Variants in MAPK4 observed in about 807,000 individuals in gnomAD.
The protein encoded by MAPK4 is mitogen-activated protein kinase 4, also known as Erk3-related.
A neutral mutation model predicts 47.7 loss-of-function variants in MAPK4; 22 were observed. That is an observed-to-expected ratio of 0.46 (90% CI 0.33 to 0.66). The LOEUF (loss-of-function observed/expected upper bound fraction) is 0.66. Ranked by LOEUF, MAPK4 falls within the 30% of genes least tolerant of loss-of-function variation. The probability of loss-of-function intolerance (pLI) is 0.02; values close to 1 mark genes in which losing one functional copy is unlikely to be tolerated. For synonymous variants in MAPK4, 390 were observed against 365.7 expected (o/e 1.07, Z -0.76); for missense variants, 736 against 831.7 (o/e 0.88, Z 1.42).
At chr18:50,590,788 C>T (rs1021342114) in intron 1 of MAPK4, among the ~76,000 whole-genome samples, 1 of 152,126 alleles carries the variant, frequency 6.6e-6, no homozygotes, top group African/African-American at 2.4e-5. Context: ...AGCTTGTCGT[C>T]CTTACATAAT....
intron 2 of MAPK4, among the ~76,000 whole-genome samples, chr18:50,671,637 G>A (rs566179073): frequency 1.7e-5 from 2 of 118,288 alleles, no homozygotes; most frequent in African/African-American, 6.3e-5. Context: ...CATGCCTACA[G>A]TCCCAGAGCT....
intron 1 of MAPK4, among the ~76,000 whole-genome samples, chr18:50,649,937 T>A (rs768028439): frequency 6.6e-6 from 1 of 152,174 alleles, no homozygotes; most frequent in Non-Finnish European, 1.5e-5. Flanking sequence ...TGCGTCACCA[T>A]CCAGCCCGCT....
chr18:50,704,956 T>G (rs1909975405), intron 2 of MAPK4: 2 of 394,012 alleles, frequency 5.1e-6, no homozygotes, highest in African/African-American at 2.1e-5. Flanking sequence ...TCTTTCTTTT[T>G]GAGGGTGGAG....
At chr18:50,671,660 G>GGCA (rs10661917) in intron 2 of MAPK4, among the ~76,000 whole-genome samples, 147,193 of 152,210 alleles carry the variant, frequency 0.97, 71,352 homozygotes, top group East Asian at 1. Flanking sequence ...GGGAGGCTTT[G>GGCA]GGAAGACTGC....
At chr18:50,597,227 C>T (rs145171717) in intron 1 of MAPK4, among the ~76,000 whole-genome samples, 65 of 152,320 alleles carry the variant, frequency 4.3e-4, no homozygotes, top group African/African-American at 1.5e-3. Context: ...TTACTAAGCA[C>T]TTTGTACATG....
chr18:50,574,964 C>A (rs913481841), intron 1 of MAPK4, among the ~76,000 whole-genome samples: 11 of 152,164 alleles, frequency 7.2e-5, no homozygotes, highest in Non-Finnish European at 1.3e-4. Context: ...TGTTTCTGAC[C>A]TGGTGAGTGA....
At chr18:50,647,223 A>G (rs941491519) in intron 1 of MAPK4, among the ~76,000 whole-genome samples, 5 of 152,258 alleles carry the variant, frequency 3.3e-5, no homozygotes, top group African/African-American at 1.2e-4. Flanking sequence ...GTTACCAAAC[A>G]ATAAAAGAAC....
chr18:50,665,160 C>A (rs1389059284), intron 2 of MAPK4, among the ~76,000 whole-genome samples: 4 of 152,214 alleles, frequency 2.6e-5, no homozygotes, highest in Admixed American at 6.5e-5. Context: ...GCTAAATGCT[C>A]CACCAACTGC....
chr18:50,589,993 A>T (rs918609078), intron 1 of MAPK4, among the ~76,000 whole-genome samples: 1 of 152,246 alleles, frequency 6.6e-6, no homozygotes, highest in African/African-American at 2.4e-5. Context: ...GCAACTCCAT[A>T]AGATAACACT....
chr18:50,630,998 A>T (rs2042824342), intron 1 of MAPK4, among the ~76,000 whole-genome samples: 1 of 152,156 alleles, frequency 6.6e-6, no homozygotes, highest in Non-Finnish European at 1.5e-5. Context: ...CCTAAAATTT[A>T]TTTGTATCCC....
At chr18:50,705,817 C>T (rs916232199) in intron 2 of MAPK4, 2 of 152,208 alleles carry the variant, frequency 1.3e-5, no homozygotes, top group African/African-American at 4.8e-5. Context: ...GACCACCCAC[C>T]CCATCACTCT....
In MAPK4 at chr18:50,729,731, G is replaced by A; in HGVS notation, c.1641G>A (p.Leu547=). ...FDLDVFISRA[L]KLCTKPEDLP... ...TGGACGTGTTCATCTCCCGCGCCCT[G>A]AAGCTCTGCACCAAGCCCGAGGACC... Residue 547 remains leucine (L), a synonymous_variant, in exon 6 of 6, where the codon CTG becomes CTA. Transcript: ENST00000400384. 1 of 1,596,822 alleles carries A rather than the reference G, an allele frequency of 6.3e-7. No individual in the cohort carries two copies. The highest frequency in any genetic ancestry group is 1.1e-5 in the South Asian group (1 of 87,754).
chr18:50,657,316 C>T (rs999803432), intron 1 of MAPK4, among the ~76,000 whole-genome samples: 2 of 152,176 alleles, frequency 1.3e-5, no homozygotes, highest in African/African-American at 4.8e-5. Flanking sequence ...GACATCACCT[C>T]CTGGGACTCC....
At chr18:50,583,910 T>A (rs924725405) in intron 1 of MAPK4, among the ~76,000 whole-genome samples, 1 of 152,216 alleles carries the variant, frequency 6.6e-6, no homozygotes, top group Non-Finnish European at 1.5e-5. Flanking sequence ...CACACTGTAC[T>A]AGAGGACTTC....
chr18:50,705,936 T>C (rs1910029830), intron 2 of MAPK4: 1 of 152,218 alleles, frequency 6.6e-6, no homozygotes, highest in East Asian at 1.9e-4. Flanking sequence ...ACCTCATGAT[T>C]ACAGGGACTT....
At chr18:50,695,594 C>T (rs1186456965) in intron 2 of MAPK4, among the ~76,000 whole-genome samples, 2 of 152,150 alleles carry the variant, frequency 1.3e-5, no homozygotes, top group African/African-American at 2.4e-5. Flanking sequence ...GGAGGAGGCA[C>T]TCCAGGTCAG....
At chr18:50,669,791 A>G (rs1431200210) in intron 2 of MAPK4, 3 of 152,254 alleles carry the variant, frequency 2.0e-5, no homozygotes, top group African/African-American at 4.8e-5. Flanking sequence ...AATTTATAGC[A>G]TATCCATTCC....
intron 1 of MAPK4, among the ~76,000 whole-genome samples, chr18:50,618,481 A>G (rs535392254): frequency 1.3e-5 from 2 of 152,196 alleles, no homozygotes; most frequent in East Asian, 1.9e-4. Context: ...CACAGCTTTT[A>G]AAAAACAGTT....
rs1205118060 is a variant in MAPK4, at chr18:50,723,727, G to A, written c.853+1628G>A. 2.0e-5 allele frequency among the ~76,000 whole-genome samples: 3 copies of A among 152,048 alleles called. No individual in the cohort carries two copies. The East Asian group carries it at 5.8e-4, about 29-fold the overall frequency. On this transcript the variant is annotated intron_variant, in intron 4 of 5. Coordinates refer to ENST00000400384, the MANE Select transcript of MAPK4 (RefSeq NM_002747.4). ...AAAATATAACAAATTAGCTGGGCAT[G>A]GTGGCGCACACCTATGGTCTCAGCT...
Sources: gnomAD v4.1 joint callset for allele counts (sites outside exome capture counted in the v4.1 genomes callset) on GRCh38, gnomAD v4.1.1 for gene constraint, MANE v1.5 for transcripts, NCBI Gene and HGNC (gene_info 2026-07-23, HGNC 2026-07-21) for gene names.